Variants in GNG4 observed in about 807,000 individuals in gnomAD.
The protein encoded by GNG4 is G protein subunit gamma 4, also known as guanine nucleotide-binding protein G(I)/G(S)/G(O) subunit gamma-4.
A neutral mutation model predicts 5.8 loss-of-function variants in GNG4; 4 were observed. The observed-to-expected ratio is 0.69, with a 90% CI of 0.34 to 1.57. GNG4 has a LOEUF of 1.57. Among genes scored for constraint, GNG4 ranks in the 40% most tolerant of loss-of-function variants. The pLI, the probability that GNG4 is intolerant of heterozygous loss-of-function variation, is 0.06. For missense variants in GNG4, 96 were observed against 95.1 expected, an observed-to-expected ratio of 1.01 and a Z score of -0.04; for synonymous variants, 29 against 32.9, an observed-to-expected ratio of 0.88 and a Z score of 0.41.
At chr1:235,638,201 G>T (rs10926320) in intron 1 of GNG4, among the ~76,000 whole-genome samples, 79,924 of 151,930 alleles carry the variant, frequency 0.53, 23,442 homozygotes, top group East Asian at 0.85. Flanking sequence ...CTCCGGAAAT[G>T]TGGGTAATTC....
chr1:235,585,183 A>G (rs1687729301), intron 2 of GNG4, among the ~76,000 whole-genome samples: 1 of 147,682 alleles, frequency 6.8e-6, no homozygotes, highest in Admixed American at 6.8e-5. Flanking sequence ...ACTCCAGACT[A>G]TTCTTTCCTA....
chr1:235,626,119 G>A (rs1481344181), intron 1 of GNG4, among the ~76,000 whole-genome samples: 1 of 152,102 alleles, frequency 6.6e-6, no homozygotes, highest in East Asian at 1.9e-4. Flanking sequence ...TGTGGATTTT[G>A]GCCATTCTAA....
At chr1:235,627,376 C>A (rs1020655730) in intron 1 of GNG4, among the ~76,000 whole-genome samples, 1 of 152,080 alleles carries the variant, frequency 6.6e-6, no homozygotes, top group African/African-American at 2.4e-5. Flanking sequence ...GTGTCCGCCA[C>A]CATGCCCAGC....
At chr1:235,647,948 G>T (rs1294045693) in intron 1 of GNG4, among the ~76,000 whole-genome samples, 1 of 152,160 alleles carries the variant, frequency 6.6e-6, no homozygotes, top group Non-Finnish European at 1.5e-5. Context: ...TCATTTCAAA[G>T]AATGCACTGA....
chr1:235,583,114 CTA>C (rs1251314355), intron 3 of GNG4, among the ~76,000 whole-genome samples: 1 of 152,174 alleles, frequency 6.6e-6, no homozygotes, highest in African/African-American at 2.4e-5. Context: ...CCTTTCAACT[CTA>C]TTACAGTCAA....
intron 1 of GNG4, among the ~76,000 whole-genome samples, chr1:235,619,508 G>A (rs1688666081): frequency 6.6e-6 from 1 of 152,170 alleles, no homozygotes; most frequent in Non-Finnish European, 1.5e-5. Context: ...GATATTACAA[G>A]TTTCTCTCCT....
At chr1:235,586,476 G>A (rs1242374950) in intron 2 of GNG4, among the ~76,000 whole-genome samples, 2 of 152,098 alleles carry the variant, frequency 1.3e-5, no homozygotes, top group African/African-American at 4.8e-5. Flanking sequence ...CCCAGCTGAT[G>A]CAATGAAAAA....
intron 2 of GNG4, among the ~76,000 whole-genome samples, chr1:235,587,618 TGTGAATGTGGGGTG>T (rs1687837284): frequency 2.4e-3 from 1 of 420 alleles, no homozygotes; most frequent in Non-Finnish European, 4.4e-3. Flanking sequence ...GGGTGGGGTG[TGTGAATGTGGGGTG>T]GAGTGTGAGT....
At chr1:235,594,502 G>T (rs977806258) in intron 2 of GNG4, among the ~76,000 whole-genome samples, 1 of 152,200 alleles carries the variant, frequency 6.6e-6, no homozygotes, top group Non-Finnish European at 1.5e-5. Flanking sequence ...TGTCCAGGAG[G>T]CTCAGGCCGT....
chr1:235,574,242 A>C (rs1687422608), intron 3 of GNG4, among the ~76,000 whole-genome samples: 1 of 152,030 alleles, frequency 6.6e-6, no homozygotes, highest in African/African-American at 2.4e-5. Flanking sequence ...ATGGTGGCAC[A>C]GGCTTGTAAT....
At chr1:235,629,717 G>A (rs1042689298) in intron 1 of GNG4, among the ~76,000 whole-genome samples, 5 of 151,292 alleles carry the variant, frequency 3.3e-5, no homozygotes, top group Non-Finnish European at 7.4e-5. Flanking sequence ...CTGCTTCAGC[G>A]TCCCGAGTAG....
At chr1:235,632,277 G>T (rs2102983491) in intron 1 of GNG4, among the ~76,000 whole-genome samples, 1 of 152,172 alleles carries the variant, frequency 6.6e-6, no homozygotes, top group East Asian at 1.9e-4. Flanking sequence ...TGTAGAGACA[G>T]GGTCTCACTA....
intron 3 of GNG4, among the ~76,000 whole-genome samples, chr1:235,576,632 G>A (rs932001838): frequency 6.6e-6 from 1 of 152,176 alleles, no homozygotes; most frequent in Non-Finnish European, 1.5e-5. Flanking sequence ...ATAAGAGTTT[G>A]CAAAGAACAC....
chr1:235,633,432 C>T (rs73124504), intron 1 of GNG4, among the ~76,000 whole-genome samples: 2,731 of 152,302 alleles, frequency 0.018, 89 homozygotes, highest in African/African-American at 0.061. Flanking sequence ...CCGAGCAAGA[C>T]AGTCTGCCAG....
In GNG4 at chr1:235,594,731, C is replaced by T. The variant is rs544989712; in HGVS notation, c.-11+669G>A. On this transcript the variant is annotated intron_variant, in intron 2 of 3. Coordinates refer to ENST00000391854, the MANE Select transcript of GNG4 (RefSeq NM_001098722.2). ...AGAACTCACGCTGGTCCGCAAGCAC[C>T]GTGCGCAGCCCCAGTTCCCGCCCGT... 2.6e-4 allele frequency among the ~76,000 whole-genome samples: 40 copies of T among 152,296 alleles called. No homozygotes were observed. In the East Asian group the frequency reaches 4.6e-3, roughly 18 times the overall value.
chr1:235,547,695 C>G lies in GNG4; in HGVS notation c.*4414G>C, dbSNP rs1686616316. On this transcript the variant is annotated 3_prime_UTR_variant, in exon 4 of 4. Coordinates refer to ENST00000391854, the MANE Select transcript of GNG4 (RefSeq NM_001098722.2). ...AAGTAGGATTCTTGATTGCTAGTCA[C>G]AAAGCCCAACTTTTTATTGAAGTAT... 1 of 152,152 alleles carries G rather than the reference C, an allele frequency of 6.6e-6. No individual in the cohort carries two copies. The highest frequency in any genetic ancestry group is 1.5e-5 in the Non-Finnish European group (1 of 68,042). The allele number at this position is 152,152 out of a possible 1,614,324, so 9.4% of individuals were successfully genotyped here.
chr1:235,566,888 T>C (rs1323723198), intron 3 of GNG4: 1 of 152,248 alleles, frequency 6.6e-6, no homozygotes, highest in Non-Finnish European at 1.5e-5. Context: ...GAATGCTCTA[T>C]AGCGATGGAA....
chr1:235,619,192 T>TAC (rs34692157), intron 1 of GNG4, among the ~76,000 whole-genome samples: 48,719 of 129,174 alleles, frequency 0.38, 9,587 homozygotes, highest in African/African-American at 0.42. Context: ...CACATATATA[T>TAC]ACACACACAC....
rs1046358998 is a variant in GNG4 at position 235,642,311 on chromosome 1, T to C, written c.-123+7351A>G. 1.3e-5 allele frequency among the ~76,000 whole-genome samples: 2 copies of C among 152,014 alleles called. No homozygotes were observed. The highest frequency in any genetic ancestry group is 2.9e-5 in the Non-Finnish European group (2 of 67,986). On this transcript the variant is annotated intron_variant, in intron 1 of 3. Coordinates refer to ENST00000391854, the MANE Select transcript of GNG4 (RefSeq NM_001098722.2). The surrounding 1 kb of genome is among the most constrained non-coding windows in gnomAD (Gnocchi z 4.3). ...CAGCCCTCCGCCTCGAGGCCACTGGTGCTTGGGGGTGGGAAAAGAGTGACC... is the reference window on the plus strand; with the variant it reads ...CAGCCCTCCGCCTCGAGGCCACTGGCGCTTGGGGGTGGGAAAAGAGTGACC...
Sources: allele counts gnomAD v4.1 joint callset (sites outside exome capture counted in the v4.1 genomes callset), GRCh38; gene constraint gnomAD v4.1.1; non-coding constraint Gnocchi (gnomAD v3.1); transcripts MANE v1.5; gene names NCBI Gene and HGNC (gene_info 2026-07-23, HGNC 2026-07-21).